The following PTGIS variants were observed in gnomAD, a reference collection of about 807,000 sequenced individuals.
PTGIS encodes prostacyclin synthase.
A neutral mutation model predicts 50.3 loss-of-function variants in PTGIS; 45 were observed. The observed-to-expected ratio is 0.90, with a 90% CI of 0.70 to 1.15. The LOEUF (loss-of-function observed/expected upper bound fraction) is 1.15, where lower values mean the gene tolerates loss of function less well. PTGIS is among the 50% of genes most tolerant of loss of function. PTGIS has a pLI of 0.00. For synonymous variants in PTGIS, 260 were observed against 267.7 expected, an observed-to-expected ratio of 0.97 and a Z score of 0.28; for missense variants, 668 against 661.3, an observed-to-expected ratio of 1.01 and a Z score of -0.11.
In PTGIS at chr20:49,507,925, G is replaced by A. The variant is rs5584; in HGVS notation, c.1498C>T (p.Pro500Ser). The A allele has an allele frequency of 8.0e-4, 1,297 of 1,611,862 alleles. No homozygotes were observed. The highest frequency in any genetic ancestry group is 1.0e-3 in the Non-Finnish European group (1,217 of 1,180,038). Reference sequence around the variant, plus strand: ...GGATCCATCTGCTCCCTGTGTCATGGGCGGATGCGGTAGCGGACGGGCACG... The same window carrying A: ...GGATCCATCTGCTCCCTGTGTCATGAGCGGATGCGGTAGCGGACGGGCACG... ...HDVPVRYRIR[P>S] Residue 500 changes from proline (P) to serine (S), a missense_variant, in exon 10 of 10, where the codon CCA becomes TCA. Coordinates refer to ENST00000244043, the MANE Select transcript of PTGIS (RefSeq NM_000961.4).
Position 49,510,168 on chromosome 20 carries a change from C to T in PTGIS, c.1358+860G>A, listed in dbSNP as rs59111113. On this transcript the variant is annotated intron_variant, in intron 9 of 9. Coordinates refer to ENST00000244043, the MANE Select transcript of PTGIS (RefSeq NM_000961.4). ...CCTCCCAAAGTGCTGGGATTACAGG[C>T]GTGAATCCCTGCAGTTTTTGTTGCA... is the stretch of plus-strand genomic sequence containing the variant. 5.7e-3 allele frequency among the ~76,000 whole-genome samples: 865 copies of T among 152,032 alleles called. 11 individuals are homozygous for T. The highest frequency in any genetic ancestry group is 0.019 in the African/African-American group (805 of 41,464).
intron 5 of PTGIS, among the ~76,000 whole-genome samples, chr20:49,538,324 G>A (rs1319087982): frequency 2.7e-5 from 4 of 150,332 alleles, no homozygotes; most frequent in Non-Finnish European, 5.9e-5. Flanking sequence ...AGCACTTTGG[G>A]AGGCCAAGGC....
At chr20:49,514,804 C>T (rs2076671814) in intron 6 of PTGIS, among the ~76,000 whole-genome samples, 1 of 152,236 alleles carries the variant, frequency 6.6e-6, no homozygotes, top group South Asian at 2.1e-4. Flanking sequence ...TGCTGTTCCT[C>T]CTATTCAAGA....
chr20:49,563,340 G>A (rs1168163046), intron 1 of PTGIS, among the ~76,000 whole-genome samples: 6 of 152,162 alleles, frequency 3.9e-5, no homozygotes, highest in African/African-American at 1.4e-4. Context: ...GCCCCGCACT[G>A]CTACCACTGT....
In PTGIS at chr20:49,511,193, A is replaced by C; in HGVS notation, c.1207-14T>G. ...GTATTTAAATACCTGAAATAGGAAG[A>C]AGGTCCTTTTCTGACCCCATTCCCA... On this transcript the variant is annotated splice_polypyrimidine_tract_variant and intron_variant, in intron 8 of 9. Transcript: ENST00000244043. The C allele has an allele frequency of 1.2e-6, 2 of 1,614,020 alleles. No homozygotes were observed. The highest frequency in any genetic ancestry group is 1.7e-6 in the Non-Finnish European group (2 of 1,180,030).
chr20:49,550,010 A>T, intron 2 of PTGIS, 56 bp downstream of exon 2: 1 of 1,613,682 alleles, frequency 6.2e-7, no homozygotes, highest in Non-Finnish European at 8.5e-7. Flanking sequence ...AACAGAAACC[A>T]GATATGAGGC....
Position 49,540,783 on chromosome 20 carries a change from G to A in PTGIS, c.522-1062C>T, listed in dbSNP as rs1183025434. ...AGCGGGCTGACCTCAGTCCTGGGAGGGAAACTGCAGGCTTTCATTTTGTCA... is the reference window on the plus strand; with the variant it reads ...AGCGGGCTGACCTCAGTCCTGGGAGAGAAACTGCAGGCTTTCATTTTGTCA... On this transcript the variant is annotated intron_variant, in intron 4 of 9. Coordinates refer to ENST00000244043, the MANE Select transcript of PTGIS (RefSeq NM_000961.4). The surrounding 1 kb of genome is among the most constrained non-coding windows in gnomAD (Gnocchi z 4.8). 6.6e-6 allele frequency among the ~76,000 whole-genome samples: 1 copy of A among 152,182 alleles called. No homozygotes were observed. The highest frequency in any genetic ancestry group is 1.5e-5 in the Non-Finnish European group (1 of 68,032).
chr20:49,535,677 G>A (rs556317497), intron 5 of PTGIS, among the ~76,000 whole-genome samples: 2 of 152,160 alleles, frequency 1.3e-5, no homozygotes, highest in African/African-American at 2.4e-5. Flanking sequence ...GCCATGCCCG[G>A]CTAATTTTTT....
intron 1 of PTGIS, among the ~76,000 whole-genome samples, chr20:49,560,447 CCT>C (rs1401287195): frequency 2.0e-5 from 3 of 146,952 alleles, no homozygotes; most frequent in Non-Finnish European, 3.0e-5. Flanking sequence ...TCAAGCACTC[CCT>C]GTCTCAGCCT....
chr20:49,559,894 G>A (rs969229581), intron 1 of PTGIS, among the ~76,000 whole-genome samples: 9 of 151,758 alleles, frequency 5.9e-5, no homozygotes, highest in East Asian at 3.9e-4. Flanking sequence ...TGCACAACCC[G>A]GTGGATATAC....
rs557797972 is a variant in PTGIS at position 49,524,600 on chromosome 20, T to C, written c.674-361A>G. 4.6e-5 allele frequency among the ~76,000 whole-genome samples: 7 copies of C among 152,302 alleles called. No homozygotes were observed. In the East Asian group the frequency reaches 1.3e-3, roughly 29 times the overall value. On this transcript the variant is annotated intron_variant, in intron 5 of 9. Coordinates refer to ENST00000244043, the MANE Select transcript of PTGIS (RefSeq NM_000961.4). Reference sequence around the variant, plus strand: ...CTGCTGACAAAGACATACTTGAGACTGGGTAATTTATTTATTTATTTATTT... The same window carrying C: ...CTGCTGACAAAGACATACTTGAGACCGGGTAATTTATTTATTTATTTATTT...
intron 5 of PTGIS, among the ~76,000 whole-genome samples, chr20:49,535,982 T>C (rs780480595): frequency 3.9e-5 from 6 of 152,242 alleles, no homozygotes; most frequent in Non-Finnish European, 5.9e-5. Flanking sequence ...ATGTCTATAA[T>C]TGGTTTCTCT....
At position 49,547,915 on chromosome 20, in the gene PTGIS, G is replaced by T. The variant is rs373241028; in HGVS notation, c.303C>A (p.Ile101=). The part of the protein sequence containing the change: ...RTRLDFHAYA[I]FLMERIFDVQ... ...CATCAAAAATCCTCTCCATGAGGAA[G>T]ATGGCATAGGCATGGAAGTCGAGCC... The change falls in exon 3 of 10, where the codon ATC becomes ATA. Residue 101 remains isoleucine, a synonymous_variant. Transcript: ENST00000244043. 9 of 1,614,064 alleles carry T rather than the reference G, an allele frequency of 5.6e-6. No homozygotes were observed. Among genetic ancestry groups the T allele is most frequent in the Non-Finnish European group, 7.6e-6 (9 of 1,180,028 alleles).
intron 4 of PTGIS, among the ~76,000 whole-genome samples, chr20:49,543,911 C>A (rs1322110466): frequency 6.6e-6 from 1 of 152,172 alleles, no homozygotes; most frequent in Non-Finnish European, 1.5e-5. Flanking sequence ...AAGGAACGTT[C>A]GGTTGTGCAG....
chr20:49,527,065 C>A (rs1006146729), intron 5 of PTGIS, among the ~76,000 whole-genome samples: 1 of 152,150 alleles, frequency 6.6e-6, no homozygotes, highest in Non-Finnish European at 1.5e-5. Context: ...AAGGCAGAAA[C>A]AACCCAAATG....
chr20:49,524,780 A>G (rs947641641), intron 5 of PTGIS, among the ~76,000 whole-genome samples: 3 of 152,142 alleles, frequency 2.0e-5, no homozygotes, highest in African/African-American at 7.2e-5. Context: ...ATCAGATCTC[A>G]TGAGACTTAT....
intron 6 of PTGIS, among the ~76,000 whole-genome samples, chr20:49,520,274 A>C (rs1206313405): frequency 6.6e-6 from 1 of 151,804 alleles, no homozygotes; most frequent in Non-Finnish European, 1.5e-5. Flanking sequence ...CCTTTCAGTG[A>C]GGCCTTCCTG....
chr20:49,560,603 T>C (rs956381510), intron 1 of PTGIS, among the ~76,000 whole-genome samples: 1 of 152,072 alleles, frequency 6.6e-6, no homozygotes, highest in East Asian at 1.9e-4. Context: ...CAAAAGGTGG[T>C]CAAGGAGGGC....
chr20:49,516,164 GA>G (rs1185924399), intron 6 of PTGIS, among the ~76,000 whole-genome samples: 1 of 151,754 alleles, frequency 6.6e-6, no homozygotes, highest in Non-Finnish European at 1.5e-5. Flanking sequence ...CCATCTCTAA[GA>G]GACACCAGAA....
Sources: gnomAD v4.1 joint callset for allele counts (sites outside exome capture counted in the v4.1 genomes callset) on GRCh38, gnomAD v4.1.1 for gene constraint, Gnocchi (gnomAD v3.1) non-coding constraint, MANE v1.5 for transcripts, NCBI Gene and HGNC (gene_info 2026-07-23, HGNC 2026-07-21) for gene names.